SLC19A2: variants seen among roughly 807,000 people sequenced by gnomAD.
SLC19A2 encodes the protein thiamine transporter 1.
In SLC19A2, 27 loss-of-function variants were observed where a neutral mutation model predicts 44.7. The ratio of observed to expected loss-of-function variants is 0.60; its 90% CI spans 0.45 to 0.83. The LOEUF (loss-of-function observed/expected upper bound fraction) is 0.83. Ranked by LOEUF, SLC19A2 falls within the 40% of genes least tolerant of loss-of-function variation. The pLI is 0.00. For missense variants in SLC19A2, 566 were observed against 613.7 expected (o/e 0.92, Z 0.82); for synonymous variants, 239 against 243.6 (o/e 0.98, Z 0.18).
chr1:169,470,191 A>C lies in SLC19A2; in HGVS notation c.808-5T>G, dbSNP rs758642470. 1 of 1,612,474 alleles carries C rather than the reference A, an allele frequency of 6.2e-7. No individual in the cohort carries two copies. Among genetic ancestry groups the C allele is most frequent in the Non-Finnish European group, 8.5e-7 (1 of 1,178,720 alleles). ...GAGACGGTCTGGCTTGGGTTCCTACATAGCAAAAGGGAACAATGCTCAAAC... is the reference window on the plus strand; with the variant it reads ...GAGACGGTCTGGCTTGGGTTCCTACCTAGCAAAAGGGAACAATGCTCAAAC... On this transcript the variant is annotated splice_polypyrimidine_tract_variant and splice_region_variant and intron_variant, in intron 2 of 5. Coordinates refer to ENST00000236137, the MANE Select transcript of SLC19A2 (RefSeq NM_006996.3).
Position 169,485,725 on chromosome 1 carries a change from C to A in SLC19A2, c.42G>T (p.Ala14=), listed in dbSNP as rs945252214. ...PGPVSRRAAA[A]AATVLLRTAR... Reference sequence around the variant, plus strand: ...CGGTCCGCAGGAGCACAGTGGCCGCCGCCGCCGCCGCCCGCCGAGACACCG... The same window carrying A: ...CGGTCCGCAGGAGCACAGTGGCCGCAGCCGCCGCCGCCCGCCGAGACACCG... The change falls in exon 1 of 6, where the codon GCG becomes GCT. Residue 14 remains alanine, a synonymous_variant. Coordinates refer to ENST00000236137, the MANE Select transcript of SLC19A2 (RefSeq NM_006996.3). 38 of 1,534,394 alleles carry A rather than the reference C, an allele frequency of 2.5e-5. No individual in the cohort carries two copies. The highest frequency in any genetic ancestry group is 3.3e-5 in the Non-Finnish European group (38 of 1,144,996).
intron 5 of SLC19A2, 52 bp downstream of exon 5, chr1:169,468,059 C>T: frequency 6.3e-7 from 1 of 1,592,852 alleles, no homozygotes; most frequent in Non-Finnish European, 8.6e-7. Flanking sequence ...ATACTTCTGT[C>T]ACCCTGATCA....
At chr1:169,474,295 C>T (rs1468940516) in intron 2 of SLC19A2, 1 of 152,116 alleles carries the variant, frequency 6.6e-6, no homozygotes, top group African/African-American at 2.4e-5. Flanking sequence ...AGATATCAAA[C>T]TACAAATAAA....
In SLC19A2 at chr1:169,469,258, T is replaced by C. The variant is rs984956320; in HGVS notation, c.1031-422A>G. On this transcript the variant is annotated intron_variant, in intron 3 of 5. Transcript: ENST00000236137. ...CTGCCTTTTGGTAAAACAGTGATGA[T>C]GATAAGGATAGCTAAAATCTATGAA... 9.2e-6 allele frequency: 2 copies of C among 216,516 alleles called. 1 individual carries two copies. Among genetic ancestry groups the C allele is most frequent in the South Asian group, 1.5e-4 (2 of 13,772 alleles). 13.4% of individuals were successfully genotyped at this position (216,516 alleles called of 1,614,324 possible). A position where few individuals can be genotyped will look rare whatever the true frequency, so the allele number is the denominator to read the frequency against.
Position 169,485,856 on chromosome 1 carries a change from T to C in SLC19A2, c.-90A>G, listed in dbSNP as rs1658554766. 7.3e-7 allele frequency: 1 copy of C among 1,376,088 alleles called. No homozygotes were observed. The highest frequency in any genetic ancestry group is 9.7e-7 in the Non-Finnish European group (1 of 1,034,430). 85.2% of individuals were successfully genotyped at this position (1,376,088 alleles called of 1,614,324 possible). ...AGGGTCAGGCACTTGTAACCGCGAG[T>C]GACGCCTTCTCCCTGTAAGGCCAGG... On this transcript the variant is annotated 5_prime_UTR_variant, in exon 1 of 6. Transcript: ENST00000236137.
Position 169,485,818 on chromosome 1 carries a change from G to T in SLC19A2, c.-52C>A. ...CCCGGCCCCTTCCTTCTCCTCCTCCGCCAACTGGAGTGAGGGTCAGGCACT... is the reference window on the plus strand; with the variant it reads ...CCCGGCCCCTTCCTTCTCCTCCTCCTCCAACTGGAGTGAGGGTCAGGCACT... On this transcript the variant is annotated 5_prime_UTR_variant, in exon 1 of 6. Coordinates refer to ENST00000236137, the MANE Select transcript of SLC19A2 (RefSeq NM_006996.3). 6.7e-7 allele frequency: 1 copy of T among 1,489,728 alleles called. No homozygotes were observed. Among genetic ancestry groups the T allele is most frequent in the East Asian group, 2.5e-5 (1 of 40,312 alleles). 92.3% of individuals were successfully genotyped at this position (1,489,728 alleles called of 1,614,324 possible). A position where few individuals can be genotyped will look rare whatever the true frequency, so the allele number is the denominator to read the frequency against.
intron 2 of SLC19A2, among the ~76,000 whole-genome samples, chr1:169,475,934 TGAAA>T (rs1658293820): frequency 6.6e-6 from 1 of 152,308 alleles, no homozygotes; most frequent in African/African-American, 2.4e-5. Context: ...CAGTAGAGAA[TGAAA>T]GACTTTACTC....
Position 169,477,724 on chromosome 1 carries a change from A to C in SLC19A2, c.238T>G (p.Ser80Ala), listed in dbSNP as rs372403828. The C allele has an allele frequency of 5.6e-6, 9 of 1,613,156 alleles. No individual in the cohort carries two copies. The highest frequency in any genetic ancestry group is 1.6e-4 in the Middle Eastern group (1 of 6,080). The change falls in exon 2 of 6, where the codon TCT becomes GCT. Residue 80 changes from serine (S) to alanine (A), a missense_variant. By Grantham distance (99) the Ser-to-Ala change is moderately conservative. Coordinates refer to ENST00000236137, the MANE Select transcript of SLC19A2 (RefSeq NM_006996.3). Reference sequence around the variant, plus strand: ...ACAGGAAACAGTAGCACCAGGTAAGAGTAAGTCCATACTGGATAAATTTCA... The same window carrying C: ...ACAGGAAACAGTAGCACCAGGTAAGCGTAAGTCCATACTGGATAAATTTCA... ...FNEIYPVWTY[S>A]YLVLLFPVFL...
At chr1:169,473,311 T>C (rs1658234731) in intron 2 of SLC19A2, among the ~76,000 whole-genome samples, 1 of 152,080 alleles carries the variant, frequency 6.6e-6, no homozygotes, top group Non-Finnish European at 1.5e-5. Flanking sequence ...CTCAGCCCAC[T>C]GCAACCTCTG....
At position 169,468,893 on chromosome 1, in the gene SLC19A2, A is replaced by G. The variant is rs1571531964; in HGVS notation, c.1031-57T>C. 8.8e-6 allele frequency: 13 copies of G among 1,479,266 alleles called. No individual in the cohort carries two copies. The East Asian group carries it at 2.9e-4, about 33-fold the overall frequency. The allele number at this position is 1,479,266 out of a possible 1,614,324, so 91.6% of individuals were successfully genotyped here. On this transcript the variant is annotated intron_variant, in intron 3 of 5. Coordinates refer to ENST00000236137, the MANE Select transcript of SLC19A2 (RefSeq NM_006996.3). The stretch of plus-strand genomic sequence containing the variant: ...TTGCTACACAAATGCTGTTGCAATA[A>G]ATTAAAAACTCAGCTTAGATTATTA...
Position 169,470,037 on chromosome 1 carries a change from C to G in SLC19A2, c.957G>C (p.Leu319=). Residue 319 remains leucine (L), a synonymous_variant, in exon 3 of 6, where the codon CTG becomes CTC. Transcript: ENST00000236137. ...YFQVVNYTQG[L]WEKVMPSRYA... Reference sequence around the variant, plus strand: ...AGCGAGAAGGCATCACTTTCTCCCACAGGCCCTGTGTGTAGTTCACAACTT... The same window carrying G: ...AGCGAGAAGGCATCACTTTCTCCCAGAGGCCCTGTGTGTAGTTCACAACTT... The G allele has an allele frequency of 6.2e-7, 1 of 1,614,050 alleles. No individual in the cohort carries two copies.
At chr1:169,485,479 G>T in intron 1 of SLC19A2, 84 bp downstream of exon 1, 2 of 1,429,278 alleles carry the variant, frequency 1.4e-6, no homozygotes, top group Non-Finnish European at 1.9e-6. Flanking sequence ...TGGCTCGAGC[G>T]CTTTTCTCGG....
intron 2 of SLC19A2, among the ~76,000 whole-genome samples, chr1:169,471,228 T>C (rs1003089460): frequency 6.6e-6 from 1 of 152,100 alleles, no homozygotes; most frequent in African/African-American, 2.4e-5. Context: ...TACGTACATA[T>C]GTATATAGGA....
At position 169,468,188 on chromosome 1, in the gene SLC19A2, T is replaced by C. The variant is rs1232354292; in HGVS notation, c.1288A>G (p.Ile430Val). 3 of 1,613,968 alleles carry C rather than the reference T, an allele frequency of 1.9e-6. No homozygotes were observed. Among genetic ancestry groups the C allele is most frequent in the East Asian group, 4.5e-5 (2 of 44,876 alleles). Residue 430 changes from isoleucine to valine, a missense_variant, in exon 5 of 6, where the codon ATT (isoleucine) becomes GTT (valine). By Grantham distance (29) the Ile-to-Val change is conservative. Coordinates refer to ENST00000236137, the MANE Select transcript of SLC19A2 (RefSeq NM_006996.3). ...AGCAGCGTCTGCAGTGCCAGGGCAA[T>C]GAAGGTATTTACACCAAATACTAGG... ...YALVFGVNTF[I>V]ALALQTLLTL...
Position 169,485,568 on chromosome 1 carries a change from T to C in SLC19A2, c.199A>G (p.Arg67Gly). 1.3e-6 allele frequency: 2 copies of C among 1,584,924 alleles called. No individual in the cohort carries two copies. Among genetic ancestry groups the C allele is most frequent in the Non-Finnish European group, 1.7e-6 (2 of 1,166,008 alleles). The change falls in exon 1 of 6, where the codon AGG (arginine) becomes GGG (glycine). Residue 67 changes from arginine to glycine, a missense_variant. Transcript: ENST00000236137. ...LLGPDKNLTE[R>G]EVFNEIYPVW... is the part of the protein sequence containing the mutation. ...CCCGCGTCCGCCGCGCGTACCTCCC[T>C]CTCGGTCAGGTTCTTGTCCGGCCCC...
rs748126599 is a variant in SLC19A2, at chr1:169,472,780, C to T, written c.808-2594G>A. Among the ~76,000 whole-genome samples, 49 of 152,232 alleles carry T rather than the reference C, an allele frequency of 3.2e-4. 1 individual carries two copies. Among genetic ancestry groups the T allele is most frequent in the Non-Finnish European group, 5.9e-5 (4 of 68,042 alleles). On this transcript the variant is annotated intron_variant, in intron 2 of 5. Transcript: ENST00000236137. ...TATAATCTGCAGGCTTCCTTCTATG[C>T]TGTTTTCTAGGCTTCAAATGTTAAG... is the stretch of plus-strand genomic sequence containing the variant.
intron 5 of SLC19A2, among the ~76,000 whole-genome samples, chr1:169,466,608 T>C (rs1159899605): frequency 6.6e-6 from 1 of 152,068 alleles, no homozygotes; most frequent in African/African-American, 2.4e-5. Context: ...GGTGGTTTGC[T>C]GCACCTATCA....
intron 5 of SLC19A2, among the ~76,000 whole-genome samples, chr1:169,467,405 G>A (rs1341150063): frequency 7.2e-5 from 11 of 152,068 alleles, no homozygotes; most frequent in East Asian, 3.9e-4. Context: ...CTCTTAGATC[G>A]CTTCAGTAAA....
At chr1:169,473,116 T>C (rs1006819168) in intron 2 of SLC19A2, among the ~76,000 whole-genome samples, 4 of 152,232 alleles carry the variant, frequency 2.6e-5, no homozygotes, top group Admixed American at 2.6e-4. Context: ...CATTTGAACA[T>C]AAGATTTTGA....
Sources: gnomAD v4.1 joint callset for allele counts (sites outside exome capture counted in the v4.1 genomes callset) on GRCh38, gnomAD v4.1.1 for gene constraint, MANE v1.5 for transcripts, NCBI Gene and HGNC (gene_info 2026-07-23, HGNC 2026-07-21) for gene names.